The following ULK4 variants were observed in gnomAD, a reference collection of about 807,000 sequenced individuals.
ULK4 encodes inactive serine/threonine-protein kinase ULK4.
ULK4 carries 133 observed loss-of-function variants against 160.6 expected under a neutral mutation model. That is an observed-to-expected ratio of 0.83 (90% CI 0.72 to 0.96). ULK4 has a LOEUF of 0.96. Among genes scored for constraint, ULK4 ranks in the 40% least tolerant of loss-of-function variants. ULK4 has a pLI of 0.00. For synonymous variants in ULK4, 534 were observed against 539.8 expected (o/e 0.99, Z 0.15); for missense variants, 1,580 against 1,499.5 (o/e 1.05, Z -0.89).
At chr3:41,402,817 T>C (rs187723250) in intron 34 of ULK4, among the ~76,000 whole-genome samples, 29 of 152,214 alleles carry the variant, frequency 1.9e-4, no homozygotes, top group African/African-American at 6.7e-4. Flanking sequence ...GGAGAGGACT[T>C]TGTCTTAGTT....
In ULK4 at chr3:41,895,537, T is replaced by G; in HGVS notation, c.1558A>C (p.Ile520Leu). 1.3e-6 allele frequency: 2 copies of G among 1,513,354 alleles called. No individual in the cohort carries two copies. The highest frequency in any genetic ancestry group is 1.8e-6 in the Non-Finnish European group (2 of 1,130,934). The allele number at this position is 1,513,354 out of a possible 1,614,324, so 93.7% of individuals were successfully genotyped here. A position where few individuals can be genotyped will look rare whatever the true frequency, so the allele number is the denominator to read the frequency against. The change falls in exon 16 of 37, where the codon ATA becomes CTA. Residue 520 changes from isoleucine (I) to leucine (L), a missense_variant. Physicochemically the swap from Ile to Leu is conservative, Grantham distance 5. Transcript: ENST00000301831. ...LFQLLIQHLRIAPNWDIRAKV... is the reference protein window; with the variant it reads ...LFQLLIQHLRLAPNWDIRAKV... Reference sequence around the variant, plus strand: ...ACTTACATATCCCAGTTTGGAGCTATCCGCAAATGCTGGATTAGCAATTGG... The same window carrying G: ...ACTTACATATCCCAGTTTGGAGCTAGCCGCAAATGCTGGATTAGCAATTGG...
Position 41,895,646 on chromosome 3 carries a change from A to G in ULK4, c.1531-82T>C, listed in dbSNP as rs139479182. On this transcript the variant is annotated intron_variant, in intron 15 of 36. Transcript: ENST00000301831. ...AAACACAGAAAATGACAGCAAAGTT[A>G]ACAGCTCAGGACTTTATACAAAGGA... The G allele has an allele frequency of 5.1e-4, 432 of 841,118 alleles. No homozygotes were observed. The African/African-American group carries it at 6.9e-3, about 13-fold the overall frequency. The allele number at this position is 841,118 out of a possible 1,614,324, so 52.1% of individuals were successfully genotyped here. A position where few individuals can be genotyped will look rare whatever the true frequency, so the allele number is the denominator to read the frequency against.
At chr3:41,949,432 A>T (rs1309496300) in intron 2 of ULK4, among the ~76,000 whole-genome samples, 9 of 141,594 alleles carry the variant, frequency 6.4e-5, no homozygotes, top group Non-Finnish European at 1.2e-4. Context: ...GATTAGCGGA[A>T]TTTTTTTTTT....
At chr3:41,697,487 TACA>T (rs1291414517) in intron 27 of ULK4, among the ~76,000 whole-genome samples, 2 of 152,182 alleles carry the variant, frequency 1.3e-5, no homozygotes, top group Admixed American at 6.5e-5. Flanking sequence ...TGTAGAACTG[TACA>T]ACGTGTGTTT....
intron 8 of ULK4, 104 bp from the exon 9 acceptor site, chr3:41,913,003 T>G: frequency 1.1e-6 from 1 of 897,190 alleles, no homozygotes; most frequent in Non-Finnish European, 1.7e-6. Flanking sequence ...AAGGTACACA[T>G]GTACCTTTGA....
At chr3:41,602,303 A>C in intron 31 of ULK4, among the ~76,000 whole-genome samples, 1 of 123,620 alleles carries the variant, frequency 8.1e-6, no homozygotes, top group Non-Finnish European at 1.7e-5. Flanking sequence ...AAGGAAAGGA[A>C]AGGAAAGGAA....
chr3:41,625,245 A>G (rs1328537187), intron 30 of ULK4, among the ~76,000 whole-genome samples: 1 of 152,188 alleles, frequency 6.6e-6, no homozygotes, highest in Non-Finnish European at 1.5e-5. Flanking sequence ...GGTAGCATAA[A>G]ATGCTTTTCT....
At chr3:41,555,466 A>G (rs2087256140) in intron 32 of ULK4, among the ~76,000 whole-genome samples, 1 of 152,178 alleles carries the variant, frequency 6.6e-6, no homozygotes, top group Admixed American at 6.5e-5. Flanking sequence ...TCAAACCACA[A>G]TGAAATACCA....
At chr3:41,335,695 T>C (rs918811875) in intron 35 of ULK4, among the ~76,000 whole-genome samples, 2 of 151,442 alleles carry the variant, frequency 1.3e-5, no homozygotes, top group Non-Finnish European at 2.9e-5. Flanking sequence ...CCTAGACGCA[T>C]AAAAAATTTA....
rs986733166 is a variant in ULK4 at position 41,281,380 on chromosome 3, A to T, written c.3679-31806T>A. Among the ~76,000 whole-genome samples, 5 of 152,238 alleles carry T rather than the reference A, an allele frequency of 3.3e-5. No homozygotes were observed. The East Asian group carries it at 9.6e-4, about 29-fold the overall frequency. The stretch of plus-strand genomic sequence containing the variant: ...AAATTTTGGACCAATATCCCTGATG[A>T]ACATCAATGTGAAAATCCTCAATAA... On this transcript the variant is annotated intron_variant, in intron 35 of 36. Transcript: ENST00000301831.
Position 41,746,904 on chromosome 3 carries a change from T to C in ULK4, c.2321+7457A>G, listed in dbSNP as rs1344310864. Among the ~76,000 whole-genome samples, 6 of 152,018 alleles carry C rather than the reference T, an allele frequency of 3.9e-5. 1 individual carries two copies. The highest frequency in any genetic ancestry group is 6.8e-3 in the Middle Eastern group (2 of 294). The stretch of plus-strand genomic sequence containing the variant: ...CAAAAGCAACTGAATGCAGGAAAGA[T>C]AGACTTTTCAACAAATAACACCAGA... On this transcript the variant is annotated intron_variant, in intron 22 of 36. Transcript: ENST00000301831.
At chr3:41,253,299 CATATA>C (rs1374653251) in intron 35 of ULK4, among the ~76,000 whole-genome samples, 1 of 151,734 alleles carries the variant, frequency 6.6e-6, no homozygotes, top group African/African-American at 2.4e-5. Context: ...AGAAAAAATA[CATATA>C]ATATTGTATT....
intron 30 of ULK4, among the ~76,000 whole-genome samples, chr3:41,634,862 T>A (rs1023903975): frequency 6.6e-6 from 1 of 152,116 alleles, no homozygotes. Context: ...ACTGCTGCAA[T>A]GTACAGAGAA....
At chr3:41,877,941 G>A (rs1383900770) in intron 17 of ULK4, among the ~76,000 whole-genome samples, 10 of 151,858 alleles carry the variant, frequency 6.6e-5, no homozygotes, top group South Asian at 2.1e-4. Flanking sequence ...AGATCGCGCC[G>A]TCGCACTCCA....
chr3:41,546,074 G>C (rs2086851170), intron 32 of ULK4, among the ~76,000 whole-genome samples: 1 of 152,022 alleles, frequency 6.6e-6, no homozygotes, highest in African/African-American at 2.4e-5. Context: ...CAACATCTGG[G>C]TAATATTGGG....
intron 22 of ULK4, among the ~76,000 whole-genome samples, chr3:41,726,402 A>C (rs2037653690): frequency 6.6e-6 from 1 of 152,250 alleles, no homozygotes; most frequent in South Asian, 2.1e-4. Context: ...ACAAGAGAAC[A>C]TTATTTTCTA....
intron 31 of ULK4, among the ~76,000 whole-genome samples, chr3:41,594,261 G>T (rs972445187): frequency 3.9e-5 from 6 of 152,190 alleles, no homozygotes; most frequent in African/African-American, 1.4e-4. Flanking sequence ...TATGGGCTGG[G>T]CACGGCAGCT....
intron 17 of ULK4, among the ~76,000 whole-genome samples, chr3:41,851,124 G>A (rs764272054): frequency 7.3e-4 from 111 of 152,184 alleles, no homozygotes; most frequent in Non-Finnish European, 1.3e-3. Flanking sequence ...TTGAATAGGA[G>A]TGGTGAGAGA....
chr3:41,635,394 ATAAT>A (rs1308044524), intron 30 of ULK4, among the ~76,000 whole-genome samples: 5 of 152,150 alleles, frequency 3.3e-5, no homozygotes, highest in South Asian at 4.1e-4. Flanking sequence ...ATTATAAAAA[ATAAT>A]TATTAAGAAT....
Sources: allele counts gnomAD v4.1 joint callset (sites outside exome capture counted in the v4.1 genomes callset), GRCh38; gene constraint gnomAD v4.1.1; transcripts MANE v1.5; gene names NCBI Gene and HGNC (gene_info 2026-07-23, HGNC 2026-07-21).